The following RGS9 variants were observed in gnomAD, a reference collection of about 807,000 sequenced individuals.
RGS9 encodes regulator of G protein signaling 9.
Under a neutral mutation model 102.0 loss-of-function variants are expected in RGS9, and 78 were observed. The ratio of observed to expected loss-of-function variants is 0.76; its 90% CI spans 0.64 to 0.92. The LOEUF (loss-of-function observed/expected upper bound fraction) is 0.92, where lower values mean the gene tolerates loss of function less well. Ranked by LOEUF, RGS9 falls within the 40% of genes least tolerant of loss-of-function variation. The probability of loss-of-function intolerance (pLI) is 0.00; values close to 1 mark genes in which losing one functional copy is unlikely to be tolerated. For missense variants in RGS9, 833 were observed against 866.1 expected (o/e 0.96, Z 0.48); for synonymous variants, 353 against 318.6 (o/e 1.11, Z -1.15).
intron 17 of RGS9, among the ~76,000 whole-genome samples, chr17:65,211,908 G>A (rs4791215): frequency 0.091 from 13,820 of 152,262 alleles, 1,296 homozygotes; most frequent in East Asian, 0.29. Flanking sequence ...GCAACATTCA[G>A]CAAGTGTTCA....
intron 17 of RGS9, among the ~76,000 whole-genome samples, chr17:65,220,540 C>T (rs1913669285): frequency 6.6e-6 from 1 of 152,132 alleles, no homozygotes; most frequent in South Asian, 2.1e-4. Flanking sequence ...GCAGAGTTTT[C>T]CCCATGGGGC....
At chr17:65,183,592 C>T (rs530759067) in intron 9 of RGS9, among the ~76,000 whole-genome samples, 10 of 152,278 alleles carry the variant, frequency 6.6e-5, no homozygotes, top group Non-Finnish European at 1.5e-4. Flanking sequence ...CCACTGCACC[C>T]GGCTCCATCT....
intron 1 of RGS9, among the ~76,000 whole-genome samples, chr17:65,152,375 A>G (rs1910611923): frequency 6.6e-6 from 1 of 152,186 alleles, no homozygotes; most frequent in Non-Finnish European, 1.5e-5. Context: ...CATGTAGACC[A>G]GTAGGGGAAC....
At chr17:65,174,842 C>T (rs1006724022) in intron 8 of RGS9, among the ~76,000 whole-genome samples, 3 of 152,162 alleles carry the variant, frequency 2.0e-5, no homozygotes, top group African/African-American at 4.8e-5. Flanking sequence ...CATGGCGGAA[C>T]GGGAAAAGGC....
chr17:65,156,547 G>A (rs1020000796), intron 2 of RGS9, among the ~76,000 whole-genome samples: 2 of 152,080 alleles, frequency 1.3e-5, no homozygotes, highest in Admixed American at 1.3e-4. Context: ...CTTCTTGGAC[G>A]GCAGGCGTCC....
chr17:65,159,675 A>C (rs1215787428), intron 3 of RGS9, among the ~76,000 whole-genome samples: 1 of 152,180 alleles, frequency 6.6e-6, no homozygotes, highest in East Asian at 1.9e-4. Flanking sequence ...AATTGATATA[A>C]TTGATAAACA....
intron 10 of RGS9, 55 bp downstream of exon 10, chr17:65,189,370 T>G: frequency 7.3e-7 from 1 of 1,374,216 alleles, no homozygotes; most frequent in Non-Finnish European, 1.0e-6. Flanking sequence ...TAACAGGTTA[T>G]ATGTACTTTG....
chr17:65,159,182 C>T (rs993681105), intron 3 of RGS9, among the ~76,000 whole-genome samples: 4 of 143,120 alleles, frequency 2.8e-5, no homozygotes, highest in Non-Finnish European at 6.1e-5. Flanking sequence ...CAGAGAACAA[C>T]CCCCCCTTTT....
At chr17:65,180,035 G>A (rs1271408156) in intron 9 of RGS9, 1 of 152,172 alleles carries the variant, frequency 6.6e-6, no homozygotes, top group Non-Finnish European at 1.5e-5. Flanking sequence ...TGGCTGCTGT[G>A]GAATAAAGTA....
intron 3 of RGS9, 27 bp from the exon 4 acceptor site, chr17:65,160,206 C>T: frequency 6.4e-7 from 1 of 1,553,864 alleles, no homozygotes; most frequent in Non-Finnish European, 8.9e-7. Flanking sequence ...CTGCTCTTAA[C>T]ATCCATGTCT....
intron 15 of RGS9, among the ~76,000 whole-genome samples, chr17:65,204,549 T>G (rs1042639302): frequency 1.3e-5 from 2 of 151,808 alleles, no homozygotes; most frequent in Non-Finnish European, 2.9e-5. Flanking sequence ...TGTCTTTATA[T>G]AAAAAAGAAA....
intron 17 of RGS9, among the ~76,000 whole-genome samples, chr17:65,223,962 G>T (rs1220351180): frequency 3.3e-5 from 5 of 150,448 alleles, no homozygotes; most frequent in African/African-American, 1.2e-4. Context: ...TCTTCATGTT[G>T]GCCAGGCTGG....
At chr17:65,205,606 A>G (rs183737844) in intron 15 of RGS9, among the ~76,000 whole-genome samples, 117 of 152,004 alleles carry the variant, frequency 7.7e-4, no homozygotes, top group Non-Finnish European at 1.3e-3. Flanking sequence ...GATGTAGGTT[A>G]TATGATATAG....
intron 1 of RGS9, among the ~76,000 whole-genome samples, chr17:65,138,535 C>G (rs1020277983): frequency 1.3e-5 from 2 of 152,052 alleles, no homozygotes; most frequent in African/African-American, 4.8e-5. Context: ...GACCCCGAGA[C>G]GGTCGCATTT....
At chr17:65,210,972 G>A (rs1368813539) in intron 17 of RGS9, among the ~76,000 whole-genome samples, 2 of 152,042 alleles carry the variant, frequency 1.3e-5, no homozygotes, top group Non-Finnish European at 2.9e-5. Context: ...TTCAGTAAGA[G>A]CCAGGGGGAA....
chr17:65,203,200 A>G (rs1331080418), intron 14 of RGS9, among the ~76,000 whole-genome samples: 1 of 152,138 alleles, frequency 6.6e-6, no homozygotes, highest in Non-Finnish European at 1.5e-5. Context: ...TCTTATACTT[A>G]GAGGTTCATA....
chr17:65,163,461 G>T (rs1355847129), intron 7 of RGS9, among the ~76,000 whole-genome samples: 1 of 151,918 alleles, frequency 6.6e-6, no homozygotes, highest in Non-Finnish European at 1.5e-5. Context: ...CAAAGTGCTG[G>T]GATTACAGGC....
chr17:65,158,209 A>G, intron 2 of RGS9, 86 bp from the exon 3 acceptor site: 1 of 1,261,064 alleles, frequency 7.9e-7, no homozygotes, highest in South Asian at 1.2e-5. Context: ...GCTGAACGGG[A>G]AGGAGACCAG....
chr17:65,172,446 C>T (rs1377975494), intron 8 of RGS9, among the ~76,000 whole-genome samples: 1 of 152,002 alleles, frequency 6.6e-6, no homozygotes, highest in Non-Finnish European at 1.5e-5. Flanking sequence ...TCTACCTTGG[C>T]CTCCCAAAGT....
Sources: gnomAD v4.1 joint callset for allele counts (sites outside exome capture counted in the v4.1 genomes callset) on GRCh38, gnomAD v4.1.1 for gene constraint, MANE v1.5 for transcripts, NCBI Gene and HGNC (gene_info 2026-07-23, HGNC 2026-07-21) for gene names.